FAM193A: variants seen among roughly 807,000 people sequenced by gnomAD.
The protein encoded by FAM193A is protein FAM193A.
Under a neutral mutation model 126.5 loss-of-function variants are expected in FAM193A, and 22 were observed. The ratio of observed to expected loss-of-function variants is 0.17; its 90% CI spans 0.12 to 0.25. FAM193A has a LOEUF of 0.25. Ranked by LOEUF, FAM193A falls within the 10% of genes least tolerant of loss-of-function variation. FAM193A has a pLI of 1.00. For missense variants in FAM193A, 1,675 were observed against 1,672.8 expected (o/e 1.00, Z -0.02); for synonymous variants, 761 against 646.8 (o/e 1.18, Z -2.68).
At chr4:2,562,522 TG>T (rs1738682462) in intron 1 of FAM193A, among the ~76,000 whole-genome samples, 1 of 152,036 alleles carries the variant, frequency 6.6e-6, no homozygotes, top group African/African-American at 2.4e-5. Flanking sequence ...ATGTAAGGAG[TG>T]ATGATCCCTT....
chr4:2,576,704 A>G (rs1226255043), intron 1 of FAM193A, among the ~76,000 whole-genome samples: 1 of 152,194 alleles, frequency 6.6e-6, no homozygotes, highest in Non-Finnish European at 1.5e-5. Flanking sequence ...AAATCTATAT[A>G]TCTAAACACT....
intron 1 of FAM193A, among the ~76,000 whole-genome samples, chr4:2,590,981 C>T (rs192840504): frequency 4.6e-5 from 7 of 151,186 alleles, no homozygotes; most frequent in Admixed American, 2.0e-4. Flanking sequence ...GAGCCGAGAT[C>T]GTGCCACTAC....
At position 2,700,320 on chromosome 4, in the gene FAM193A, T is replaced by G; in HGVS notation, c.4148T>G (p.Ile1383Ser). The G allele has an allele frequency of 6.2e-7, 1 of 1,613,784 alleles. No homozygotes were observed. Among genetic ancestry groups the G allele is most frequent in the South Asian group, 1.1e-5 (1 of 91,058 alleles). Residue 1383 changes from isoleucine to serine, a missense_variant, in exon 19 of 21, where the codon ATC becomes AGC. Physicochemically the swap from Ile to Ser is moderately radical, Grantham distance 142. Coordinates refer to ENST00000637812, the MANE Select transcript of FAM193A (RefSeq NM_001366318.2). Reference sequence around the variant, plus strand: ...GCTAAGGTGGTCGACCTCATGTCCATCACAGAGCAGAAAAGAGAGGAGAGA... The same window carrying G: ...GCTAAGGTGGTCGACCTCATGTCCAGCACAGAGCAGAAAAGAGAGGAGAGA... ...SKAKVVDLMSITEQKREERKV... is the reference protein window; with the variant it reads ...SKAKVVDLMSSTEQKREERKV...
At chr4:2,719,083 T>C (rs1055876530) in intron 20 of FAM193A, among the ~76,000 whole-genome samples, 6 of 152,180 alleles carry the variant, frequency 3.9e-5, no homozygotes, top group African/African-American at 1.4e-4. Context: ...CCTACTTTGT[T>C]TTATGAGACA....
intron 1 of FAM193A, among the ~76,000 whole-genome samples, chr4:2,558,090 C>T (rs1325949268): frequency 1.3e-5 from 2 of 151,904 alleles, no homozygotes; most frequent in African/African-American, 2.4e-5. Context: ...CTGGCCAACA[C>T]GGTGAAACCC....
chr4:2,633,671 C>T (rs574931387), intron 5 of FAM193A, among the ~76,000 whole-genome samples: 1 of 151,902 alleles, frequency 6.6e-6, no homozygotes, highest in South Asian at 2.1e-4. Context: ...GTGGTTGGAT[C>T]ACCTGAGGTC....
chr4:2,625,377 A>G lies in FAM193A; in HGVS notation c.617A>G (p.Glu206Gly). ...TLPSDTACSC[E>G]ACSERREISA... ...CCTTCAGACACCGCATGCTCGTGCGAGGCCTGCAGTGAGCGCAGGTATGTG... is the reference window on the plus strand; with the variant it reads ...CCTTCAGACACCGCATGCTCGTGCGGGGCCTGCAGTGAGCGCAGGTATGTG... Residue 206 changes from glutamate to glycine, a missense_variant, in exon 3 of 21, where the codon GAG becomes GGG. This residue lies in a region of FAM193A where 1,186 missense variants were observed against 1,109.2 expected (regional missense o/e 1.07). Coordinates refer to ENST00000637812, the MANE Select transcript of FAM193A (RefSeq NM_001366318.2). 1 of 702,604 alleles carries G rather than the reference A, an allele frequency of 1.4e-6. No homozygotes were observed. Among genetic ancestry groups the G allele is most frequent in the Non-Finnish European group, 2.6e-6 (1 of 384,688 alleles). The allele number at this position is 702,604 out of a possible 1,614,324, so 43.5% of individuals were successfully genotyped here. A position where few individuals can be genotyped will look rare whatever the true frequency, so the allele number is the denominator to read the frequency against.
chr4:2,680,958 A>G (rs1715040578), intron 13 of FAM193A, among the ~76,000 whole-genome samples: 1 of 152,114 alleles, frequency 6.6e-6, no homozygotes, highest in Non-Finnish European at 1.5e-5. Flanking sequence ...GTACTTTCTT[A>G]TAATACCTTT....
chr4:2,712,384 C>T lies in FAM193A; in HGVS notation c.4373-3639C>T, dbSNP rs191442078. The stretch of plus-strand genomic sequence containing the variant: ...TCTCCTGTTTCCGTGTTGTTTGGTG[C>T]ACATTCCTGTTATATATTTTTAGTT... On this transcript the variant is annotated intron_variant, in intron 19 of 20. Transcript: ENST00000637812. Among the ~76,000 whole-genome samples the T allele has an allele frequency of 8.2e-3, 1,251 of 152,196 alleles. 29 individuals are homozygous for T. Among genetic ancestry groups the T allele is most frequent in the Non-Finnish European group, 5.5e-3 (372 of 68,028 alleles).
At chr4:2,728,027 G>A (rs1297836102) in intron 20 of FAM193A, among the ~76,000 whole-genome samples, 2 of 151,976 alleles carry the variant, frequency 1.3e-5, no homozygotes, top group African/African-American at 4.8e-5. Context: ...CGCCTGCCGG[G>A]TTCAAGCGAT....
rs190321046 is a variant in FAM193A at position 2,561,568 on chromosome 4, C to A, written c.255+24398C>A. Among the ~76,000 whole-genome samples, 496 of 148,882 alleles carry A rather than the reference C, an allele frequency of 3.3e-3. 1 individual carries two copies. Among genetic ancestry groups the A allele is most frequent in the African/African-American group, 0.012 (474 of 40,400 alleles). On this transcript the variant is annotated intron_variant, in intron 1 of 20. Transcript: ENST00000637812. ...CTGGAGTGCAGTGGCGCAATCTCGGCTCACTGCAACCACTGTCTCCCAGGT... is the reference window on the plus strand; with the variant it reads ...CTGGAGTGCAGTGGCGCAATCTCGGATCACTGCAACCACTGTCTCCCAGGT...
intron 20 of FAM193A, among the ~76,000 whole-genome samples, chr4:2,728,896 C>CTT (rs34029424): frequency 0.013 from 1,239 of 97,026 alleles, 227 homozygotes; most frequent in African/African-American, 0.052. Context: ...ACCTCCAAAA[C>CTT]TTTTTTTTTT....
At chr4:2,728,205 G>A (rs1577289362) in intron 20 of FAM193A, among the ~76,000 whole-genome samples, 1 of 150,910 alleles carries the variant, frequency 6.6e-6, no homozygotes, top group Admixed American at 6.6e-5. Context: ...CAAAGTGCTG[G>A]GATTACAGGC....
chr4:2,685,219 G>A (rs1023222777), intron 13 of FAM193A, among the ~76,000 whole-genome samples: 4 of 152,166 alleles, frequency 2.6e-5, no homozygotes, highest in African/African-American at 9.7e-5. Context: ...GTGACGTGGT[G>A]TAAGGGGAGG....
At chr4:2,702,969 C>T (rs1367444725) in intron 19 of FAM193A, among the ~76,000 whole-genome samples, 1 of 151,250 alleles carries the variant, frequency 6.6e-6, no homozygotes, top group African/African-American at 2.4e-5. Context: ...CCCAGTTCCT[C>T]TTTTTTTTTA....
At chr4:2,708,118 T>TTTTG (rs755979197) in intron 19 of FAM193A, 63 of 447,098 alleles carry the variant, frequency 1.4e-4, no homozygotes, top group Non-Finnish European at 1.4e-4. Context: ...AGCTATTGAT[T>TTTTG]TTTGTTTGTT....
intron 5 of FAM193A, among the ~76,000 whole-genome samples, chr4:2,634,507 A>AT (rs1743904736): frequency 1.3e-5 from 2 of 152,186 alleles, no homozygotes; most frequent in Non-Finnish European, 2.9e-5. Context: ...AGATATTTAA[A>AT]TTTTCAAAAA....
At chr4:2,705,755 ATT>A (rs201864770) in intron 19 of FAM193A, among the ~76,000 whole-genome samples, 36 of 147,824 alleles carry the variant, frequency 2.4e-4, no homozygotes, top group South Asian at 4.3e-4. Context: ...ATGCTGGCTA[ATT>A]TTTTTTTTTT....
In FAM193A at chr4:2,596,228, C is replaced by G. The variant is rs1048686437; in HGVS notation, c.400C>G (p.Pro134Ala). 1.7e-5 allele frequency: 12 copies of G among 703,006 alleles called. No individual in the cohort carries two copies. Among genetic ancestry groups the G allele is most frequent in the Non-Finnish European group, 5.2e-6 (2 of 385,014 alleles). The allele number at this position is 703,006 out of a possible 1,614,324, so 43.5% of individuals were successfully genotyped here. The change falls in exon 2 of 21, where the codon CCC becomes GCC. Residue 134 changes from proline to alanine, a missense_variant. This residue lies in a region of FAM193A where 1,186 missense variants were observed against 1,109.2 expected (regional missense o/e 1.07). Transcript: ENST00000637812. The stretch of plus-strand genomic sequence containing the variant: ...GAGCAAATTGGCCCTTTCCATGGCT[C>G]CCAAGGGCAACAGCGTGCTGCACCT... Reference protein sequence around the residue: ...TASKLALSMAPKGNSVLHLPL... With the variant: ...TASKLALSMAAKGNSVLHLPL...
Sources: gnomAD v4.1 joint callset for allele counts (sites outside exome capture counted in the v4.1 genomes callset) on GRCh38, gnomAD v4.1.1 for gene constraint, gnomAD v4.1.1 regional missense constraint, MANE v1.5 for transcripts, NCBI Gene and HGNC (gene_info 2026-07-23, HGNC 2026-07-21) for gene names.